Variants in RNF216 observed in about 807,000 individuals in gnomAD.
RNF216 encodes ring finger protein 216.
A neutral mutation model predicts 110.8 loss-of-function variants in RNF216; 72 were observed. The observed-to-expected ratio is 0.65, with a 90% CI of 0.54 to 0.79. The LOEUF is 0.79. Ranked by LOEUF, RNF216 falls within the 30% of genes least tolerant of loss-of-function variation. The pLI, the probability that RNF216 is intolerant of heterozygous loss-of-function variation, is 0.00. For synonymous variants in RNF216, 495 were observed against 407.5 expected, an observed-to-expected ratio of 1.21 and a Z score of -2.59; for missense variants, 1,342 against 1,141.2, an observed-to-expected ratio of 1.18 and a Z score of -2.54.
chr7:5,630,732 AG>A (rs1366304465), intron 15 of RNF216, among the ~76,000 whole-genome samples: 1 of 152,186 alleles, frequency 6.6e-6, no homozygotes, highest in Non-Finnish European at 1.5e-5. Context: ...TGACAACAAC[AG>A]TAGTTAACAT....
intron 7 of RNF216, 112 bp downstream of exon 7, chr7:5,729,320 T>A: frequency 4.1e-6 from 4 of 983,750 alleles, no homozygotes; most frequent in Middle Eastern, 2.2e-4. Context: ...CCTAATAAAT[T>A]CCTTAGCAAT....
At chr7:5,679,518 G>A (rs886135881) in intron 13 of RNF216, among the ~76,000 whole-genome samples, 2 of 152,368 alleles carry the variant, frequency 1.3e-5, no homozygotes, top group South Asian at 2.1e-4. Flanking sequence ...TCAGCAGTAG[G>A]AGTGCTGACC....
In RNF216 at chr7:5,779,680, T is replaced by G. The variant is rs1294725471; in HGVS notation, c.-70+1861A>C. On this transcript the variant is annotated intron_variant, in intron 1 of 16. Transcript: ENST00000389902. The stretch of plus-strand genomic sequence containing the variant: ...TTAAAAAAAAAAAAAAAAAAAAAAG[T>G]TAGCCGAGCGTGGTGGTGCGCGCCT... Among the ~76,000 whole-genome samples, 14 of 143,242 alleles carry G rather than the reference T, an allele frequency of 9.8e-5. No homozygotes were observed. In the East Asian group the frequency reaches 1.6e-3, roughly 17 times the overall value. The allele number at this position is 143,242 out of a possible 152,430, so 94.0% of individuals were successfully genotyped here.
chr7:5,771,903 G>A (rs1274754590), intron 1 of RNF216, among the ~76,000 whole-genome samples: 2 of 152,158 alleles, frequency 1.3e-5, no homozygotes, highest in East Asian at 3.9e-4. Flanking sequence ...AAATGAAAAA[G>A]TGTCCAACAT....
At chr7:5,758,044 C>G (rs1003738321) in intron 2 of RNF216, among the ~76,000 whole-genome samples, 1 of 152,072 alleles carries the variant, frequency 6.6e-6, no homozygotes, top group African/African-American at 2.4e-5. Flanking sequence ...CTCTATATAC[C>G]TGAAAAAAGT....
At chr7:5,757,804 G>A (rs1795724206) in intron 2 of RNF216, among the ~76,000 whole-genome samples, 1 of 152,094 alleles carries the variant, frequency 6.6e-6, no homozygotes, top group South Asian at 2.1e-4. Flanking sequence ...TAATTCAGGT[G>A]GTATATTCAT....
chr7:5,656,901 C>T (rs188560299), intron 13 of RNF216, among the ~76,000 whole-genome samples: 2 of 152,326 alleles, frequency 1.3e-5, no homozygotes, highest in African/African-American at 4.8e-5. Flanking sequence ...CCACCACCTC[C>T]TCCAAGCCCA....
At chr7:5,664,063 G>A (rs1266112515) in intron 13 of RNF216, among the ~76,000 whole-genome samples, 3 of 152,026 alleles carry the variant, frequency 2.0e-5, no homozygotes, top group Non-Finnish European at 4.4e-5. Flanking sequence ...GGATTTCTAG[G>A]GCCTAGCACT....
intron 13 of RNF216, among the ~76,000 whole-genome samples, chr7:5,654,541 G>C (rs1263021892): frequency 2.0e-5 from 3 of 151,856 alleles, no homozygotes; most frequent in African/African-American, 7.3e-5. Context: ...ACAAAAATTA[G>C]TTGGGCGTGG....
chr7:5,781,416 G>C (rs1398098601), intron 1 of RNF216, 125 bp downstream of exon 1: 10 of 122,424 alleles, frequency 8.2e-5, no homozygotes, highest in African/African-American at 3.2e-4. Flanking sequence ...CCCTCAGCTC[G>C]GCGGCCCTCA....
At chr7:5,629,826 C>CA (rs34172457) in intron 15 of RNF216, among the ~76,000 whole-genome samples, 11,153 of 53,218 alleles carry the variant, frequency 0.21, 1,483 homozygotes, top group East Asian at 0.78. Context: ...GACTCTGTCT[C>CA]AAAAAAAAAA....
intron 5 of RNF216, among the ~76,000 whole-genome samples, chr7:5,734,482 T>G (rs1396563751): frequency 6.6e-6 from 1 of 152,158 alleles, no homozygotes; most frequent in Non-Finnish European, 1.5e-5. Flanking sequence ...CATCTTTACT[T>G]TGTTCATTTT....
At chr7:5,723,452 C>A (rs1793563445) in intron 8 of RNF216, among the ~76,000 whole-genome samples, 1 of 151,940 alleles carries the variant, frequency 6.6e-6, no homozygotes, top group Non-Finnish European at 1.5e-5. Context: ...TCGAGACCAT[C>A]CTGGCTAACA....
At chr7:5,707,480 A>G (rs778676390) in intron 13 of RNF216, among the ~76,000 whole-genome samples, 27 of 152,102 alleles carry the variant, frequency 1.8e-4, no homozygotes, top group Non-Finnish European at 2.9e-4. Context: ...CTAATTTTGT[A>G]TCCTGCACCT....
intron 9 of RNF216, among the ~76,000 whole-genome samples, chr7:5,719,536 G>A (rs1217111980): frequency 6.6e-6 from 1 of 152,160 alleles, no homozygotes; most frequent in African/African-American, 2.4e-5. Context: ...TGAAGGGGCA[G>A]CCAATAGTCA....
chr7:5,670,728 T>C (rs368801323), intron 13 of RNF216, among the ~76,000 whole-genome samples: 2 of 152,274 alleles, frequency 1.3e-5, no homozygotes, highest in East Asian at 1.9e-4. Context: ...ACACAGTATG[T>C]TGAAATGTGA....
In RNF216 at chr7:5,693,101, C is replaced by T. The variant is rs755131281; in HGVS notation, c.2061+18660G>A. 2.5e-4 allele frequency among the ~76,000 whole-genome samples: 38 copies of T among 152,180 alleles called. 1 individual carries two copies. Among genetic ancestry groups the T allele is most frequent in the Admixed American group, 6.5e-5 (1 of 15,282 alleles). On this transcript the variant is annotated intron_variant, in intron 13 of 16. Coordinates refer to ENST00000389902, the MANE Select transcript of RNF216 (RefSeq NM_207111.4). ...CGGGATTCCACGTCATTCTTTTAAA[C>T]GCTATGGTATATGCTACGGGTTGGC...
chr7:5,634,049 G>A (rs1562773948), intron 15 of RNF216, among the ~76,000 whole-genome samples: 1 of 152,232 alleles, frequency 6.6e-6, no homozygotes, highest in Non-Finnish European at 1.5e-5. Context: ...GTAATCAGCA[G>A]CCACAGGCTG....
At position 5,725,390 on chromosome 7, in the gene RNF216, T is replaced by C. The variant is rs1266170335; in HGVS notation, c.1438A>G (p.Ser480Gly). ...TGTTTTCTCTTCTTCCTTTTTCCAC[T>C]GGTTTCTGGTGACAGCTCCTGCCAT... Reference protein sequence around the residue: ...KKWQELSPETSGKRKKRKQMN... With the variant: ...KKWQELSPETGGKRKKRKQMN... Residue 480 changes from serine (S) to glycine (G), a missense_variant, in exon 8 of 17, where the codon AGT (serine) becomes GGT (glycine). By Grantham distance (56) the Ser-to-Gly change is moderately conservative. Coordinates refer to ENST00000389902, the MANE Select transcript of RNF216 (RefSeq NM_207111.4). 1.6e-5 allele frequency: 26 copies of C among 1,613,866 alleles called. No individual in the cohort carries two copies. Among genetic ancestry groups the C allele is most frequent in the Non-Finnish European group, 2.1e-5 (25 of 1,179,830 alleles).
Sources: gnomAD v4.1 joint callset for allele counts (sites outside exome capture counted in the v4.1 genomes callset) on GRCh38, gnomAD v4.1.1 for gene constraint, MANE v1.5 for transcripts, NCBI Gene and HGNC (gene_info 2026-07-23, HGNC 2026-07-21) for gene names.